Variants in CRACD observed in about 807,000 individuals in gnomAD.
CRACD encodes the protein capping protein inhibiting regulator of actin dynamics, also known as capping protein-inhibiting regulator of actin dynamics.
In CRACD, 56 loss-of-function variants were observed where a neutral mutation model predicts 106.8. That is an observed-to-expected ratio of 0.52 (90% CI 0.42 to 0.66). CRACD has a LOEUF of 0.66. CRACD is among the 30% of genes least tolerant of loss of function. The pLI is 0.00. For missense variants in CRACD, 1,730 were observed against 1,623.2 expected (o/e 1.07, Z -1.13); for synonymous variants, 754 against 670.8 (o/e 1.12, Z -1.92).
rs549234926 is a variant in CRACD, at chr4:56,141,943, C to T, written c.-335-37341C>T. Among the ~76,000 whole-genome samples, 4 of 152,138 alleles carry T rather than the reference C, an allele frequency of 2.6e-5. No individual in the cohort carries two copies. In the South Asian group the frequency reaches 8.3e-4, roughly 32 times the overall value. Reference sequence around the variant, plus strand: ...TCTTGACCTCAAGTGATCCTCCTGCCTTGGCTTCCCAAAGTGCTAGGATTA... The same window carrying T: ...TCTTGACCTCAAGTGATCCTCCTGCTTTGGCTTCCCAAAGTGCTAGGATTA... On this transcript the variant is annotated intron_variant, in intron 1 of 10. Coordinates refer to ENST00000682029, the MANE Select transcript of CRACD (RefSeq NM_001393381.1).
intron 1 of CRACD, among the ~76,000 whole-genome samples, chr4:56,116,472 C>T (rs1734283872): frequency 6.6e-6 from 1 of 152,112 alleles, no homozygotes; most frequent in Admixed American, 6.6e-5. Context: ...CTGTACTGCA[C>T]CATGATGATT....
chr4:56,057,555 G>A (rs1732117911), intron 1 of CRACD, among the ~76,000 whole-genome samples: 1 of 151,458 alleles, frequency 6.6e-6, no homozygotes, highest in Non-Finnish European at 1.5e-5. Flanking sequence ...GGGTAAATAA[G>A]ATATGGTGCT....
intron 2 of CRACD, among the ~76,000 whole-genome samples, chr4:56,241,982 C>G (rs1740391724): frequency 6.6e-6 from 1 of 152,034 alleles, no homozygotes; most frequent in Non-Finnish European, 1.5e-5. Flanking sequence ...AAAGAGAGGC[C>G]TTATAGATTG....
intron 2 of CRACD, among the ~76,000 whole-genome samples, chr4:56,206,328 T>G (rs1193616696): frequency 6.6e-6 from 1 of 152,226 alleles, no homozygotes; most frequent in Non-Finnish European, 1.5e-5. Flanking sequence ...CCAAAATGGC[T>G]TGCCACTGCA....
chr4:56,223,598 C>T (rs1197049564), intron 2 of CRACD, among the ~76,000 whole-genome samples: 7 of 152,172 alleles, frequency 4.6e-5, no homozygotes, highest in Admixed American at 6.5e-5. Flanking sequence ...GTCCCAGCAA[C>T]ACTTATTGAA....
chr4:56,255,760 T>A (rs553090993), intron 2 of CRACD, among the ~76,000 whole-genome samples: 1 of 152,342 alleles, frequency 6.6e-6, no homozygotes, highest in South Asian at 2.1e-4. Context: ...TGACCTCTCC[T>A]TTTAACCAGA....
chr4:56,129,481 C>T (rs1429364595), intron 1 of CRACD, among the ~76,000 whole-genome samples: 3 of 152,196 alleles, frequency 2.0e-5, no homozygotes, highest in African/African-American at 7.2e-5. Context: ...TTTCAGTACA[C>T]AGATTTGCAA....
chr4:56,222,847 G>A (rs1373999947), intron 2 of CRACD, among the ~76,000 whole-genome samples: 1 of 151,868 alleles, frequency 6.6e-6, no homozygotes, highest in Non-Finnish European at 1.5e-5. Context: ...TGGGTGGTGT[G>A]CGCCTGTAAT....
intron 1 of CRACD, among the ~76,000 whole-genome samples, chr4:56,053,417 T>C (rs904101128): frequency 6.6e-6 from 1 of 152,168 alleles, no homozygotes; most frequent in Non-Finnish European, 1.5e-5. Context: ...TTGAAACACA[T>C]TGTCAGGAAG....
chr4:56,245,606 T>C lies in CRACD; in HGVS notation c.-188-26715T>C, dbSNP rs192218928. On this transcript the variant is annotated intron_variant, in intron 2 of 10. Coordinates refer to ENST00000682029, the MANE Select transcript of CRACD (RefSeq NM_001393381.1). ...CAGAAATGCTGGAGCAGAGCTTTTC[T>C]AAGGAGTGTTGCACTATTTGTTCTA... Among the ~76,000 whole-genome samples the C allele has an allele frequency of 9.2e-4, 140 of 152,330 alleles. 1 individual carries two copies. The highest frequency in any genetic ancestry group is 6.6e-3 in the South Asian group (32 of 4,832).
At position 56,265,798 on chromosome 4, in the gene CRACD, A is replaced by G. The variant is rs58870413; in HGVS notation, c.-188-6523A>G. Among the ~76,000 whole-genome samples the G allele has an allele frequency of 1.4e-3, 218 of 152,306 alleles. 1 individual carries two copies. The highest frequency in any genetic ancestry group is 5.0e-3 in the African/African-American group (209 of 41,568). On this transcript the variant is annotated intron_variant, in intron 2 of 10. Coordinates refer to ENST00000682029, the MANE Select transcript of CRACD (RefSeq NM_001393381.1). ...AAGACATTTATGATGCTTAAAAGGG[A>G]CTATCATAGCACATTTCTGTTCTTC...
chr4:56,144,090 A>G (rs1002175056), intron 1 of CRACD, among the ~76,000 whole-genome samples: 8 of 152,286 alleles, frequency 5.3e-5, no homozygotes, highest in African/African-American at 1.9e-4. Flanking sequence ...AGGAGTGGAA[A>G]GGAAAGGGAG....
At chr4:56,280,085 T>C (rs1320570573) in intron 3 of CRACD, among the ~76,000 whole-genome samples, 1 of 139,374 alleles carries the variant, frequency 7.2e-6, no homozygotes, top group East Asian at 2.2e-4. Context: ...TAGGTGGGAA[T>C]TGAACAGTGA....
intron 5 of CRACD, among the ~76,000 whole-genome samples, chr4:56,309,855 A>G (rs1308482172): frequency 6.6e-6 from 1 of 151,652 alleles, no homozygotes; most frequent in Non-Finnish European, 1.5e-5. Flanking sequence ...CTTTGTCTCA[A>G]AAAAAATATA....
intron 2 of CRACD, among the ~76,000 whole-genome samples, chr4:56,198,207 A>G (rs78586265): frequency 0.016 from 2,481 of 152,318 alleles, 70 homozygotes; most frequent in East Asian, 0.063. Flanking sequence ...ACGTACATAT[A>G]AAATGGCGGT....
At chr4:56,135,414 C>T (rs1459592979) in intron 1 of CRACD, among the ~76,000 whole-genome samples, 1 of 152,168 alleles carries the variant, frequency 6.6e-6, no homozygotes, top group Non-Finnish European at 1.5e-5. Context: ...AAAGCAATTC[C>T]AGGTAAGGGA....
At chr4:56,178,396 G>A (rs547616088) in intron 1 of CRACD, among the ~76,000 whole-genome samples, 4 of 152,280 alleles carry the variant, frequency 2.6e-5, no homozygotes, top group South Asian at 4.1e-4. Context: ...GGTACAAAAT[G>A]TCTGACTTGC....
intron 1 of CRACD, among the ~76,000 whole-genome samples, chr4:56,130,507 C>G (rs1269106827): frequency 6.6e-6 from 1 of 152,140 alleles, no homozygotes; most frequent in Non-Finnish European, 1.5e-5. Context: ...AAGATCAAAA[C>G]TCAGTGTAAC....
chr4:56,064,348 C>A (rs1732386169), intron 1 of CRACD, among the ~76,000 whole-genome samples: 2 of 152,116 alleles, frequency 1.3e-5, no homozygotes, highest in Non-Finnish European at 2.9e-5. Context: ...ATTTAGTTAT[C>A]CATGAATGTG....
Sources: gnomAD v4.1 joint callset for allele counts (sites outside exome capture counted in the v4.1 genomes callset) on GRCh38, gnomAD v4.1.1 for gene constraint, MANE v1.5 for transcripts, NCBI Gene and HGNC (gene_info 2026-07-23, HGNC 2026-07-21) for gene names.